RSU1: variants seen among roughly 807,000 people sequenced by gnomAD.
The protein encoded by RSU1 is Ras suppressor protein 1.
Under a neutral mutation model 31.1 loss-of-function variants are expected in RSU1, and 26 were observed. That is an observed-to-expected ratio of 0.84 (90% CI 0.61 to 1.16). The LOEUF (loss-of-function observed/expected upper bound fraction) is 1.16, where lower values mean the gene tolerates loss of function less well. Among genes scored for constraint, RSU1 ranks in the 50% most tolerant of loss-of-function variants. The probability of loss-of-function intolerance (pLI) is 0.00; values close to 1 mark genes in which losing one functional copy is unlikely to be tolerated. For synonymous variants in RSU1, 164 were observed against 136.3 expected (o/e 1.20, Z -1.41); for missense variants, 320 against 339.1 (o/e 0.94, Z 0.44).
intron 7 of RSU1, among the ~76,000 whole-genome samples, chr10:16,702,629 T>C (rs1489540774): frequency 2.0e-5 from 3 of 152,224 alleles, no homozygotes; most frequent in Non-Finnish European, 4.4e-5. Flanking sequence ...AATTTCTCCC[T>C]ACTGGAACAG....
At chr10:16,815,394 C>T (rs186424669) in intron 2 of RSU1, among the ~76,000 whole-genome samples, 1 of 152,280 alleles carries the variant, frequency 6.6e-6, no homozygotes, top group Non-Finnish European at 1.5e-5. Context: ...CCGTGAAAAC[C>T]GTGAATTCAC....
intron 3 of RSU1, among the ~76,000 whole-genome samples, chr10:16,780,025 T>C (rs1212636647): frequency 1.3e-5 from 2 of 151,988 alleles, no homozygotes; most frequent in Non-Finnish European, 1.5e-5. Context: ...AAGGCAGAAA[T>C]ATAAAGTTTG....
chr10:16,785,728 T>C (rs894610911), intron 2 of RSU1, among the ~76,000 whole-genome samples: 2 of 130,338 alleles, frequency 1.5e-5, no homozygotes, highest in Non-Finnish European at 3.2e-5. Flanking sequence ...AGAAACACTG[T>C]GCTCTTGTCA....
At chr10:16,785,499 T>TATATATATAC in intron 2 of RSU1, among the ~76,000 whole-genome samples, 1 of 123,066 alleles carries the variant, frequency 8.1e-6, no homozygotes, top group African/African-American at 3.7e-5. Flanking sequence ...CATATATATA[T>TATATATATAC]ACACATATAT....
chr10:16,724,009 C>T (rs780408353), intron 7 of RSU1, among the ~76,000 whole-genome samples: 19 of 151,934 alleles, frequency 1.3e-4, no homozygotes, highest in African/African-American at 1.7e-4. Context: ...GGTATGATCT[C>T]GGCTCACTGC....
At chr10:16,652,006 T>G (rs1046757665) in intron 8 of RSU1, among the ~76,000 whole-genome samples, 7 of 152,320 alleles carry the variant, frequency 4.6e-5, no homozygotes, top group Non-Finnish European at 7.4e-5. Flanking sequence ...TACATTTTAC[T>G]AAATTTGGGG....
chr10:16,755,782 T>G (rs181581071), intron 4 of RSU1, among the ~76,000 whole-genome samples: 2 of 152,360 alleles, frequency 1.3e-5, no homozygotes, highest in Non-Finnish European at 2.9e-5. Context: ...GTAACCATTT[T>G]ATTCCCTGTT....
chr10:16,763,776 T>C (rs1837256122), intron 4 of RSU1, among the ~76,000 whole-genome samples: 1 of 152,206 alleles, frequency 6.6e-6, no homozygotes, highest in Non-Finnish European at 1.5e-5. Context: ...CTGCCCTCCG[T>C]ACCTCACAAA....
chr10:16,631,074 C>T (rs1190018828), intron 8 of RSU1, among the ~76,000 whole-genome samples: 1 of 152,192 alleles, frequency 6.6e-6, no homozygotes, highest in Non-Finnish European at 1.5e-5. Flanking sequence ...TCAGCAACAA[C>T]AAACATCAAC....
intron 8 of RSU1, among the ~76,000 whole-genome samples, chr10:16,597,328 C>T (rs889252255): frequency 6.6e-6 from 1 of 152,174 alleles, no homozygotes; most frequent in Non-Finnish European, 1.5e-5. Context: ...TCCACTGTTT[C>T]AGTCTCTGCC....
chr10:16,618,491 AT>A (rs1834016922), intron 8 of RSU1, among the ~76,000 whole-genome samples: 1 of 152,248 alleles, frequency 6.6e-6, no homozygotes, highest in African/African-American at 2.4e-5. Flanking sequence ...TACCCAAAGG[AT>A]TATAAATCAT....
chr10:16,698,621 C>G (rs1055416268), intron 7 of RSU1, among the ~76,000 whole-genome samples: 1 of 152,152 alleles, frequency 6.6e-6, no homozygotes, highest in African/African-American at 2.4e-5. Flanking sequence ...ATCTGTCAAT[C>G]CCAAGTGATG....
intron 2 of RSU1, among the ~76,000 whole-genome samples, chr10:16,786,863 T>C (rs1461785123): frequency 6.6e-6 from 1 of 152,246 alleles, no homozygotes; most frequent in Non-Finnish European, 1.5e-5. Context: ...TGTGCTCATC[T>C]GCAAGGACAC....
chr10:16,745,168 T>C (rs1381369258), intron 7 of RSU1, among the ~76,000 whole-genome samples: 1 of 152,186 alleles, frequency 6.6e-6, no homozygotes, highest in African/African-American at 2.4e-5. Flanking sequence ...CAAAGTTTAA[T>C]AGCATAAATA....
chr10:16,638,787 G>C (rs1459525785), intron 8 of RSU1, among the ~76,000 whole-genome samples: 1 of 152,244 alleles, frequency 6.6e-6, no homozygotes, highest in Admixed American at 6.5e-5. Context: ...GGCCGCGCTA[G>C]ACGAGAAAAT....
chr10:16,714,368 TGGGA>T (rs1439101733), intron 7 of RSU1, among the ~76,000 whole-genome samples: 1 of 152,126 alleles, frequency 6.6e-6, no homozygotes, highest in African/African-American at 2.4e-5. Flanking sequence ...TGCAGTTATT[TGGGA>T]GGGAGGGCTG....
chr10:16,723,494 C>T (rs1322189215), intron 7 of RSU1, among the ~76,000 whole-genome samples: 1 of 152,148 alleles, frequency 6.6e-6, no homozygotes, highest in Non-Finnish European at 1.5e-5. Flanking sequence ...GCTCCAATGG[C>T]AGATTCCAGA....
intron 8 of RSU1, among the ~76,000 whole-genome samples, chr10:16,600,927 C>T (rs980383721): frequency 3.3e-5 from 5 of 152,050 alleles, no homozygotes; most frequent in African/African-American, 1.2e-4. Flanking sequence ...ATGTCAGATC[C>T]AAGGGTCTCA....
rs182937559 is a variant in RSU1 at position 16,816,889 on chromosome 10, C to A, written c.109+84G>T. ...GGGCTGGGGTCTAAACCAGTACAAT[C>A]GCTCACAGCAGGACCAGCAGTGAAT... On this transcript the variant is annotated intron_variant, in intron 2 of 8. Transcript: ENST00000345264. 74 of 954,564 alleles carry A rather than the reference C, an allele frequency of 7.8e-5. No individual in the cohort carries two copies. In the African/African-American group the frequency reaches 1.1e-3, roughly 14 times the overall value. 59.1% of individuals were successfully genotyped at this position (954,564 alleles called of 1,614,324 possible).
Sources: allele counts gnomAD v4.1 joint callset (sites outside exome capture counted in the v4.1 genomes callset), GRCh38; gene constraint gnomAD v4.1.1; transcripts MANE v1.5; gene names NCBI Gene and HGNC (gene_info 2026-07-23, HGNC 2026-07-21).